Variants in CLPB observed in about 807,000 individuals in gnomAD.
CLPB encodes ClpB family mitochondrial disaggregase.
CLPB carries 40 observed loss-of-function variants against 78.4 expected under a neutral mutation model. The ratio of observed to expected loss-of-function variants is 0.51; its 90% confidence interval spans 0.40 to 0.66. The LOEUF is 0.66. CLPB is among the 30% of genes least tolerant of loss of function. CLPB has a pLI of 0.00. For missense variants in CLPB, 780 were observed against 886.9 expected (o/e 0.88, Z 1.53); for synonymous variants, 333 against 348.0 (o/e 0.96, Z 0.48).
chr11:72,298,251 A>ACCCT (rs1949592500), intron 11 of CLPB, among the ~76,000 whole-genome samples: 4 of 152,010 alleles, frequency 2.6e-5, no homozygotes, highest in Non-Finnish European at 1.5e-5. Context: ...GGCTTGGGAG[A>ACCCT]ACTAGACTGG....
At chr11:72,316,420 AGTGGT>A (rs1202288378) in intron 7 of CLPB, among the ~76,000 whole-genome samples, 1 of 152,168 alleles carries the variant, frequency 6.6e-6, no homozygotes, top group Non-Finnish European at 1.5e-5. Flanking sequence ...AAGCCCAAGG[AGTGGT>A]GCTCCAGAGT....
chr11:72,305,195 G>A (rs546754582), intron 9 of CLPB, among the ~76,000 whole-genome samples: 4 of 152,350 alleles, frequency 2.6e-5, no homozygotes, highest in Admixed American at 2.6e-4. Context: ...GTATCACAGT[G>A]AGGAGTTGAG....
At chr11:72,345,667 A>C (rs1483622424) in intron 5 of CLPB, among the ~76,000 whole-genome samples, 2 of 152,224 alleles carry the variant, frequency 1.3e-5, no homozygotes, top group African/African-American at 2.4e-5. Flanking sequence ...TACATATTCA[A>C]ACAATAAAAT....
Position 72,430,378 on chromosome 11 carries a change from G to C in CLPB, c.404-15C>G. 6.2e-7 allele frequency: 1 copy of C among 1,612,364 alleles called. No homozygotes were observed. Among genetic ancestry groups the C allele is most frequent in the Non-Finnish European group, 8.5e-7 (1 of 1,179,576 alleles). On this transcript the variant is annotated splice_polypyrimidine_tract_variant and intron_variant, in intron 1 of 15. Coordinates refer to ENST00000538039, the MANE Select transcript of CLPB (RefSeq NM_001258392.3). The stretch of plus-strand genomic sequence containing the variant: ...CAGGGCTGCATCTGAAGAGAAAGGG[G>C]GCACTGGTCAGATCCGCGGCCAGGA...
chr11:72,295,562 G>A lies in CLPB; in HGVS notation c.1416C>T (p.Ile472=), dbSNP rs1949536469. Residue 472 remains isoleucine, a synonymous_variant, in exon 12 of 16, where the codon ATC becomes ATT. Transcript: ENST00000538039. ...GCCTCAGCTGCAGCGCGTGCTGTGC[G>A]ATCTCGTCGCTGGCCACATTGGAGG... is the stretch of plus-strand genomic sequence containing the variant. ...IMTSNVASDE[I]AQHALQLRQE... is the part of the protein sequence containing the mutation. 6 of 1,614,162 alleles carry A rather than the reference G, an allele frequency of 3.7e-6. No individual in the cohort carries two copies. The highest frequency in any genetic ancestry group is 1.1e-5 in the South Asian group (1 of 91,064).
At position 72,434,357 on chromosome 11, in the gene CLPB, C is replaced by A; in HGVS notation, c.118G>T (p.Gly40Trp). 1 of 1,612,174 alleles carries A rather than the reference C, an allele frequency of 6.2e-7. No individual in the cohort carries two copies. Among genetic ancestry groups the A allele is most frequent in the Non-Finnish European group, 8.5e-7 (1 of 1,179,412 alleles). ...AGCCACTGCGGCTCCCCGAGACTCC[C>A]AGTAGTCACATTCCGGCCGGAAGCA... ...GGASGRNVTT[G>W]SLGEPQWLRV... is the part of the protein sequence containing the mutation. Residue 40 changes from glycine (G) to tryptophan (W), a missense_variant, in exon 1 of 16, where the codon GGG (glycine) becomes TGG (tryptophan). By Grantham distance (184) the Gly-to-Trp change is radical. This residue lies in a region of CLPB where 417 missense variants were observed against 414.7 expected (regional missense o/e 1.01). Transcript: ENST00000538039.
chr11:72,328,909 TGAGTGAAGG>T (rs769363846), intron 6 of CLPB, among the ~76,000 whole-genome samples: 20,338 of 152,258 alleles, frequency 0.13, 2,763 homozygotes, highest in African/African-American at 0.35. Flanking sequence ...CCTCAGAGGC[TGAGTGAAGG>T]GCAGGAGTGA....
rs114331427 is a variant in CLPB at position 72,425,277 on chromosome 11, C to T, written c.455+5035G>A. Among the ~76,000 whole-genome samples the T allele has an allele frequency of 5.8e-3, 881 of 152,286 alleles. 8 individuals carry two copies. Among genetic ancestry groups the T allele is most frequent in the African/African-American group, 0.02 (846 of 41,560 alleles). ...TCCTAGTTAGACTGTGCCAAGAGGG[C>T]AGGGACTGTGCCAATCTTGTTCGTT... On this transcript the variant is annotated intron_variant, in intron 2 of 15. Transcript: ENST00000538039.
At chr11:72,373,129 A>G (rs1199605074) in intron 4 of CLPB, 2 of 799,420 alleles carry the variant, frequency 2.5e-6, no homozygotes, top group East Asian at 2.6e-5. Context: ...CTACCCCCAG[A>G]AGGGCCCTAT....
intron 3 of CLPB, among the ~76,000 whole-genome samples, chr11:72,386,363 G>A (rs1363233926): frequency 2.0e-5 from 3 of 152,088 alleles, no homozygotes; most frequent in Non-Finnish European, 4.4e-5. Context: ...AACTGCTAAT[G>A]CTTCTGCAAG....
At chr11:72,401,809 G>A (rs557662775) in intron 3 of CLPB, among the ~76,000 whole-genome samples, 12 of 152,148 alleles carry the variant, frequency 7.9e-5, no homozygotes, top group South Asian at 4.1e-4. Context: ...TAATTCTTTC[G>A]CACAATCATA....
intron 4 of CLPB, among the ~76,000 whole-genome samples, chr11:72,368,071 C>G (rs1052477570): frequency 1.3e-5 from 2 of 152,120 alleles, no homozygotes; most frequent in Non-Finnish European, 2.9e-5. Context: ...TTTCCTCTTC[C>G]TGATGTCATT....
chr11:72,433,959 C>G (rs1856624755), intron 1 of CLPB, 113 bp downstream of exon 1: 2 of 1,341,994 alleles, frequency 1.5e-6, no homozygotes, highest in Non-Finnish European at 1.0e-6. Flanking sequence ...TGAGTCCCTC[C>G]AAGACTTAGG....
At chr11:72,404,363 C>T (rs1475086806) in intron 2 of CLPB, among the ~76,000 whole-genome samples, 2 of 152,202 alleles carry the variant, frequency 1.3e-5, no homozygotes, top group South Asian at 2.1e-4. Flanking sequence ...GGTTTGAATC[C>T]TAGCACCATT....
intron 4 of CLPB, among the ~76,000 whole-genome samples, chr11:72,371,450 A>G (rs1346426217): frequency 1.3e-5 from 2 of 151,618 alleles, no homozygotes; most frequent in African/African-American, 4.8e-5. Context: ...AATTGCTTGA[A>G]CCCAGGAGGC....
intron 2 of CLPB, among the ~76,000 whole-genome samples, chr11:72,421,441 T>C (rs1003253921): frequency 1.3e-5 from 2 of 152,176 alleles, no homozygotes; most frequent in African/African-American, 4.8e-5. Context: ...AGGGAAGGCT[T>C]TCAGGAAGAT....
At chr11:72,409,480 T>G (rs1565088869) in intron 2 of CLPB, among the ~76,000 whole-genome samples, 1 of 150,940 alleles carries the variant, frequency 6.6e-6, no homozygotes, top group Non-Finnish European at 1.5e-5. Context: ...GCTACTCGGG[T>G]GGCTGACGTA....
chr11:72,430,592 C>T lies in CLPB; in HGVS notation c.404-229G>A, dbSNP rs1212679484. 8 of 539,952 alleles carry T rather than the reference C, an allele frequency of 1.5e-5. No homozygotes were observed. The East Asian group carries it at 2.6e-4, about 18-fold the overall frequency. 33.4% of individuals were successfully genotyped at this position (539,952 alleles called of 1,614,324 possible). ...ACTACAGAGCCCAAACTCTTCACTC[C>T]TCTCATCATAGAGGGAATGCAGGTC... On this transcript the variant is annotated intron_variant, in intron 1 of 15. Coordinates refer to ENST00000538039, the MANE Select transcript of CLPB (RefSeq NM_001258392.3).
intron 2 of CLPB, among the ~76,000 whole-genome samples, chr11:72,404,957 T>C (rs1855664604): frequency 6.6e-6 from 1 of 152,218 alleles, no homozygotes; most frequent in African/African-American, 2.4e-5. Flanking sequence ...CCCTGTCTAA[T>C]TTACAAAAAC....
Sources: gnomAD v4.1 joint callset for allele counts (sites outside exome capture counted in the v4.1 genomes callset) on GRCh38, gnomAD v4.1.1 for gene constraint, gnomAD v4.1.1 regional missense constraint, MANE v1.5 for transcripts, NCBI Gene and HGNC (gene_info 2026-07-23, HGNC 2026-07-21) for gene names.